Variants in CTIF observed in about 807,000 individuals in gnomAD.
CTIF encodes the protein CBP80/20-dependent translation initiation factor.
CTIF carries 21 observed loss-of-function variants against 66.0 expected under a neutral mutation model. That is an observed-to-expected ratio of 0.32 (90% CI 0.23 to 0.46). The LOEUF is 0.46. Among genes scored for constraint, CTIF ranks in the 20% least tolerant of loss-of-function variants. The pLI is 1.00. For missense variants in CTIF, 739 were observed against 812.7 expected (o/e 0.91, Z 1.10); for synonymous variants, 345 against 326.4 (o/e 1.06, Z -0.62).
At chr18:48,623,936 T>C (rs2090546145) in intron 2 of CTIF, among the ~76,000 whole-genome samples, 1 of 152,030 alleles carries the variant, frequency 6.6e-6, no homozygotes, top group Non-Finnish European at 1.5e-5. Flanking sequence ...AATAGATAGA[T>C]AAGATAGATA....
chr18:48,650,282 T>C (rs1160679304), intron 3 of CTIF, among the ~76,000 whole-genome samples: 1 of 152,208 alleles, frequency 6.6e-6, no homozygotes, highest in Non-Finnish European at 1.5e-5. Context: ...GAGAAGACCT[T>C]AAATGACCTG....
intron 1 of CTIF, among the ~76,000 whole-genome samples, chr18:48,552,214 T>C (rs1263979802): frequency 6.6e-6 from 1 of 152,200 alleles, no homozygotes; most frequent in East Asian, 1.9e-4. Flanking sequence ...GATGAGAAAA[T>C]GAGGGCACTT....
At chr18:48,717,947 G>T (rs905740617) in intron 7 of CTIF, among the ~76,000 whole-genome samples, 1 of 152,066 alleles carries the variant, frequency 6.6e-6, no homozygotes, top group Admixed American at 6.5e-5. Flanking sequence ...TTGCTATGTT[G>T]CCCAGACTGG....
intron 7 of CTIF, among the ~76,000 whole-genome samples, chr18:48,714,340 A>C (rs9947954): frequency 0.52 from 78,888 of 151,962 alleles, 22,598 homozygotes; most frequent in African/African-American, 0.77. Flanking sequence ...GATTTGGTGG[A>C]CAAAGGGCAC....
At chr18:48,797,515 A>C (rs1001093330) in intron 9 of CTIF, among the ~76,000 whole-genome samples, 1 of 147,904 alleles carries the variant, frequency 6.8e-6, no homozygotes, top group Non-Finnish European at 1.5e-5. Context: ...CAAGTTTCTG[A>C]GTTCTGATCC....
At chr18:48,712,423 TG>T (rs1388437648) in intron 7 of CTIF, among the ~76,000 whole-genome samples, 2 of 152,204 alleles carry the variant, frequency 1.3e-5, no homozygotes, top group African/African-American at 2.4e-5. Flanking sequence ...ATATTTTAAG[TG>T]GAAAAAATTC....
In CTIF at chr18:48,860,125, T is replaced by A. The variant is rs1039878935; in HGVS notation, c.*566T>A. On this transcript the variant is annotated 3_prime_UTR_variant, in exon 12 of 12. Coordinates refer to ENST00000256413, the MANE Select transcript of CTIF (RefSeq NM_014772.3). ...CGTAATTGACGGCCTTTGTCAGCCA[T>A]GGCAGAGCTGACGCTCCACCTCCCA... 2 of 371,984 alleles carry A rather than the reference T, an allele frequency of 5.4e-6. No individual in the cohort carries two copies. Among genetic ancestry groups the A allele is most frequent in the Non-Finnish European group, 1.1e-5 (2 of 184,734 alleles). The allele number at this position is 371,984 out of a possible 1,614,324, so 23.0% of individuals were successfully genotyped here. A position where few individuals can be genotyped will look rare whatever the true frequency, so the allele number is the denominator to read the frequency against.
At chr18:48,658,023 C>T (rs2091272999) in intron 3 of CTIF, among the ~76,000 whole-genome samples, 2 of 152,156 alleles carry the variant, frequency 1.3e-5, no homozygotes, top group Non-Finnish European at 2.9e-5. Context: ...CAGGTACAGT[C>T]TGCCTGTGAG....
chr18:48,720,659 T>A (rs190170588), intron 7 of CTIF, among the ~76,000 whole-genome samples: 1 of 152,270 alleles, frequency 6.6e-6, no homozygotes, highest in Admixed American at 6.5e-5. Flanking sequence ...GCAGGCTCTC[T>A]CTTGAAAAGA....
intron 6 of CTIF, among the ~76,000 whole-genome samples, chr18:48,701,480 C>T (rs892790992): frequency 6.6e-6 from 1 of 151,818 alleles, no homozygotes; most frequent in Non-Finnish European, 1.5e-5. Flanking sequence ...GCCTTTTGGT[C>T]CCATTTGGTC....
intron 9 of CTIF, among the ~76,000 whole-genome samples, chr18:48,796,841 T>C (rs935832376): frequency 6.6e-6 from 1 of 152,236 alleles, no homozygotes; most frequent in Non-Finnish European, 1.5e-5. Context: ...GAGGGACTTG[T>C]GTGACGAGAA....
At chr18:48,614,427 A>C (rs974798975) in intron 1 of CTIF, among the ~76,000 whole-genome samples, 10 of 152,236 alleles carry the variant, frequency 6.6e-5, no homozygotes, top group African/African-American at 2.2e-4. Flanking sequence ...CATTATTCAC[A>C]ACAGCAAAAG....
intron 8 of CTIF, chr18:48,760,185 C>CTTTTTT (rs949378479): frequency 7.5e-6 from 1 of 132,916 alleles, no homozygotes; most frequent in Non-Finnish European, 1.6e-5. Context: ...TCAGCCCTTT[C>CTTTTTT]TTTTTTTTTT....
chr18:48,621,270 G>C (rs1300615018), intron 2 of CTIF, among the ~76,000 whole-genome samples: 1 of 151,540 alleles, frequency 6.6e-6, no homozygotes, highest in Non-Finnish European at 1.5e-5. Context: ...GCGTAGTCAG[G>C]GAAGCTGGCA....
chr18:48,854,016 C>G (rs761519692), intron 10 of CTIF, among the ~76,000 whole-genome samples: 2 of 152,164 alleles, frequency 1.3e-5, no homozygotes, highest in Non-Finnish European at 2.9e-5. Context: ...TCACCTTCTA[C>G]CCTTCCTTTT....
At chr18:48,801,951 T>G (rs534900025) in intron 9 of CTIF, among the ~76,000 whole-genome samples, 1 of 152,358 alleles carries the variant, frequency 6.6e-6, no homozygotes, top group East Asian at 1.9e-4. Context: ...TTCATCCAAC[T>G]TATGCTTCAG....
At chr18:48,707,401 C>A (rs1329762648) in intron 6 of CTIF, among the ~76,000 whole-genome samples, 2 of 152,198 alleles carry the variant, frequency 1.3e-5, no homozygotes, top group African/African-American at 2.4e-5. Context: ...TCATTGGGTG[C>A]CACTTGTCTT....
At chr18:48,637,533 G>T (rs1460200754) in intron 3 of CTIF, among the ~76,000 whole-genome samples, 3 of 152,210 alleles carry the variant, frequency 2.0e-5, no homozygotes, top group African/African-American at 7.2e-5. Context: ...CAGAGCCGCT[G>T]CAGTCATGGG....
chr18:48,652,057 C>A (rs2091164573), intron 3 of CTIF, among the ~76,000 whole-genome samples: 2 of 152,176 alleles, frequency 1.3e-5, no homozygotes, highest in African/African-American at 4.8e-5. Context: ...GACACCCTAA[C>A]ATCACAATTA....
Sources: allele counts gnomAD v4.1 joint callset (sites outside exome capture counted in the v4.1 genomes callset), GRCh38; gene constraint gnomAD v4.1.1; transcripts MANE v1.5; gene names NCBI Gene and HGNC (gene_info 2026-07-23, HGNC 2026-07-21).